The following MKI67 variants were observed in gnomAD, a reference collection of about 807,000 sequenced individuals.
MKI67 encodes proliferation marker protein Ki-67.
MKI67 carries 152 observed loss-of-function variants against 233.5 expected under a neutral mutation model. The ratio of observed to expected loss-of-function variants is 0.65; its 90% CI spans 0.57 to 0.74. The LOEUF is 0.74. Among genes scored for constraint, MKI67 ranks in the 30% least tolerant of loss-of-function variants. MKI67 has a pLI of 0.00. For missense variants in MKI67, 3,940 were observed against 3,885.2 expected, an observed-to-expected ratio of 1.01 and a Z score of -0.37; for synonymous variants, 1,465 against 1,418.5, an observed-to-expected ratio of 1.03 and a Z score of -0.74.
At chr10:128,116,602 G>A (rs1852814716) in intron 5 of MKI67, 66 bp from the exon 6 acceptor site, 4 of 1,425,906 alleles carry the variant, frequency 2.8e-6, no homozygotes, top group Non-Finnish European at 4.0e-6. Context: ...TCACAACAGT[G>A]AAAATATTAT....
intron 7 of MKI67, 103 bp from the exon 8 acceptor site, chr10:128,113,705 C>T (rs554979682): frequency 4.9e-6 from 5 of 1,018,022 alleles, no homozygotes; most frequent in African/African-American, 3.2e-5. Context: ...GAAAAGTCAT[C>T]GAAACACAGT....
In MKI67 at chr10:128,103,026, A is replaced by G. The variant is rs754927351; in HGVS notation, c.8814T>C (p.Ala2938=). The G allele has an allele frequency of 1.2e-6, 2 of 1,614,264 alleles. No homozygotes were observed. Among genetic ancestry groups the G allele is most frequent in the African/African-American group, 2.7e-5 (2 of 75,064 alleles). ...PGHTEELANG[A]ADSFTSAPKQ... ...TTGGAGCGCTTGTAAAGCTATCAGCAGCACCATTTGCCAGTTCCTCAGTGT... is the reference window on the plus strand; with the variant it reads ...TTGGAGCGCTTGTAAAGCTATCAGCGGCACCATTTGCCAGTTCCTCAGTGT... The change falls in exon 13 of 15, where the codon GCT becomes GCC. Residue 2938 remains alanine, a synonymous_variant. Coordinates refer to ENST00000368654, the MANE Select transcript of MKI67 (RefSeq NM_002417.5).
rs759308614 is a variant in MKI67, at chr10:128,101,447, C to A, written c.9516G>T (p.Glu3172Asp). The change falls in exon 14 of 15, where the codon GAG becomes GAT. Residue 3172 changes from glutamate to aspartate, a missense_variant. Glu to Asp is a conservative substitution (Grantham distance 45). Transcript: ENST00000368654. ...CCTTCGCACTCTTCTGCCCTCCGCT[C>A]TCCTCTGCCACCTTAGGCTGGGAGC... ...NESSQPKVAEESGGQKSAKVL... is the reference protein window; with the variant it reads ...NESSQPKVAEDSGGQKSAKVL... 3 of 1,614,222 alleles carry A rather than the reference C, an allele frequency of 1.9e-6. No homozygotes were observed. The highest frequency in any genetic ancestry group is 1.7e-6 in the Non-Finnish European group (2 of 1,180,044).
In MKI67 at chr10:128,103,427, C is replaced by A; in HGVS notation, c.8413G>T (p.Asp2805Tyr). The change falls in exon 13 of 15, where the codon GAC (aspartate) becomes TAC (tyrosine). Residue 2805 changes from aspartate (D) to tyrosine (Y), a missense_variant. Physicochemically the swap from Asp to Tyr is radical, Grantham distance 160. Coordinates refer to ENST00000368654, the MANE Select transcript of MKI67 (RefSeq NM_002417.5). ...TCTTCAGTGTGACCTGCTGCTGGGTCTTTGAAGCCAGCTAGGTCTTCTATG... is the reference window on the plus strand; with the variant it reads ...TCTTCAGTGTGACCTGCTGCTGGGTATTTGAAGCCAGCTAGGTCTTCTATG... ...QAIEDLAGFKDPAAGHTEESM... is the reference protein window; with the variant it reads ...QAIEDLAGFKYPAAGHTEESM... 1 of 1,613,700 alleles carries A rather than the reference C, an allele frequency of 6.2e-7. No individual in the cohort carries two copies. Among genetic ancestry groups the A allele is most frequent in the Non-Finnish European group, 8.5e-7 (1 of 1,179,890 alleles).
At chr10:128,111,850 T>C (rs1852685637) in intron 10 of MKI67, 34 bp from the exon 11 acceptor site, 1 of 1,610,258 alleles carries the variant, frequency 6.2e-7, no homozygotes, top group African/African-American at 1.3e-5. Context: ...AACAGGACAT[T>C]AAAGCATAAA....
At chr10:128,102,525 A>G (rs1177085871) in intron 13 of MKI67, 54 bp downstream of exon 13, 8 of 1,574,438 alleles carry the variant, frequency 5.1e-6, no homozygotes, top group Non-Finnish European at 6.9e-6. Context: ...TATAACACAG[A>G]AATTCACAAC....
intron 5 of MKI67, among the ~76,000 whole-genome samples, chr10:128,118,578 A>T (rs1852856893): frequency 2.6e-5 from 4 of 152,170 alleles, no homozygotes; most frequent in Admixed American, 2.6e-4. Context: ...CCTAAGCCTA[A>T]ATCCCACTAA....
intron 14 of MKI67, 21 bp from the exon 15 acceptor site, chr10:128,099,276 T>C (rs781004939): frequency 1.3e-6 from 2 of 1,599,662 alleles, no homozygotes; most frequent in East Asian, 2.2e-5. Flanking sequence ...AGAAAAAAAA[T>C]AGAACTCTTA....
rs748915303 is a variant in MKI67 at position 128,108,129 on chromosome 10, G to A, written c.3711C>T (p.Thr1237=). The A allele has an allele frequency of 2.1e-5, 34 of 1,607,680 alleles. No homozygotes were observed. Among genetic ancestry groups the A allele is most frequent in the South Asian group, 7.7e-5 (7 of 90,776 alleles). The part of the protein sequence containing the change: ...FKELFQTPGH[T]EELVAAGKTT... ...TTTTACCAGCAGCCACTAATTCCTC[G>A]GTGTGACCAGGAGTCTGGAAGAGCT... Residue 1237 remains threonine, a synonymous_variant, in exon 13 of 15, where the codon ACC becomes ACT. Transcript: ENST00000368654.
chr10:128,116,034 A>G, intron 6 of MKI67, 27 bp from the exon 7 acceptor site: 1 of 1,535,802 alleles, frequency 6.5e-7, no homozygotes, highest in East Asian at 2.3e-5. Flanking sequence ...GAAATAAGAA[A>G]CAGAAGTTCA....
At chr10:128,122,374 C>G (rs570877493) in intron 4 of MKI67, among the ~76,000 whole-genome samples, 4 of 152,080 alleles carry the variant, frequency 2.6e-5, no homozygotes, top group African/African-American at 4.8e-5. Context: ...GCTCAAAAAG[C>G]CTTCATTGCC....
chr10:128,102,221 T>A (rs996849172), intron 13 of MKI67, among the ~76,000 whole-genome samples: 1 of 152,202 alleles, frequency 6.6e-6, no homozygotes, highest in African/African-American at 2.4e-5. Context: ...GTGACATAGA[T>A]AGGATTTTTA....
Position 128,112,245 on chromosome 10 carries a change from T to C in MKI67, c.1857A>G (p.Arg619=). Residue 619 remains arginine, a synonymous_variant, in exon 9 of 15, where the codon AGA becomes AGG. Coordinates refer to ENST00000368654, the MANE Select transcript of MKI67 (RefSeq NM_002417.5). The part of the protein sequence containing the change: ...SQTEVPKRGG[R]KSGNLPSKRV... ...TCTTTGAAGGCAGGTTGCCACTCTT[T>C]CTCCCTCCTCTCTTAGGAACCTCTG... 1 of 1,614,230 alleles carries C rather than the reference T, an allele frequency of 6.2e-7. No homozygotes were observed. The highest frequency in any genetic ancestry group is 8.5e-7 in the Non-Finnish European group (1 of 1,180,032).
intron 7 of MKI67, among the ~76,000 whole-genome samples, chr10:128,114,076 C>T (rs1033473496): frequency 6.6e-6 from 1 of 152,148 alleles, no homozygotes; most frequent in Non-Finnish European, 1.5e-5. Context: ...TAATGTAAAT[C>T]CCTTGCCTAA....
rs920181708 is a variant in MKI67 at position 128,125,941 on chromosome 10, C to T, written c.-90+158G>A. Among the ~76,000 whole-genome samples the T allele has an allele frequency of 2.1e-5, 3 of 145,312 alleles. No individual in the cohort carries two copies. Among genetic ancestry groups the T allele is most frequent in the Non-Finnish European group, 4.6e-5 (3 of 65,434 alleles). On this transcript the variant is annotated intron_variant, in intron 1 of 14. Coordinates refer to ENST00000368654, the MANE Select transcript of MKI67 (RefSeq NM_002417.5). The surrounding 1 kb of genome is among the most constrained non-coding windows in gnomAD (Gnocchi z 5.3). ...GGGGTGTTGTCGCCAGCGCCTGCGC[C>T]TCCTGGGAGCTTCCACCGAGACGCC...
Position 128,104,479 on chromosome 10 carries a change from A to T in MKI67, c.7361T>A (p.Met2454Lys). The part of the protein sequence containing the change: ...FQTPGHTEES[M>K]TDDKITEVSC... ...TACTTCTGTGATTTTGTCATCAGTC[A>T]TTGATTCCTCAGTGTGACCTGGTGT... The change falls in exon 13 of 15, where the codon ATG becomes AAG. Residue 2454 changes from methionine (M) to lysine (K), a missense_variant. By Grantham distance (95) the Met-to-Lys change is moderately conservative. Transcript: ENST00000368654. 5 of 1,614,034 alleles carry T rather than the reference A, an allele frequency of 3.1e-6. No homozygotes were observed. The highest frequency in any genetic ancestry group is 4.2e-6 in the Non-Finnish European group (5 of 1,180,016).
chr10:128,117,127 T>G (rs1278400820), intron 5 of MKI67, among the ~76,000 whole-genome samples: 4 of 152,220 alleles, frequency 2.6e-5, no homozygotes, highest in African/African-American at 9.6e-5. Context: ...TTTTTATAAC[T>G]TCCTTTAAAG....
intron 13 of MKI67, 117 bp from the exon 14 acceptor site, chr10:128,101,818 A>G: frequency 1.3e-6 from 1 of 783,386 alleles, no homozygotes; most frequent in Non-Finnish European, 2.0e-6. Context: ...AAAATCACAC[A>G]CTGATGAATT....
At chr10:128,099,782 A>G (rs1448112473) in intron 14 of MKI67, among the ~76,000 whole-genome samples, 1 of 152,148 alleles carries the variant, frequency 6.6e-6, no homozygotes, top group Non-Finnish European at 1.5e-5. Flanking sequence ...TCTATCTTAT[A>G]TATGCATTTT....
Sources: gnomAD v4.1 joint callset for allele counts (sites outside exome capture counted in the v4.1 genomes callset) on GRCh38, gnomAD v4.1.1 for gene constraint, Gnocchi (gnomAD v3.1) non-coding constraint, MANE v1.5 for transcripts, NCBI Gene and HGNC (gene_info 2026-07-23, HGNC 2026-07-21) for gene names.